The following OLA1 variants were observed in gnomAD, a reference collection of about 807,000 sequenced individuals.
OLA1 encodes Obg like ATPase 1.
In OLA1, 14 loss-of-function variants were observed where a neutral mutation model predicts 48.4. The observed-to-expected ratio is 0.29, with a 90% CI of 0.19 to 0.45. The LOEUF is 0.45. Among genes scored for constraint, OLA1 ranks in the 20% least tolerant of loss-of-function variants. The pLI is 1.00. For synonymous variants in OLA1, 127 were observed against 150.4 expected, an observed-to-expected ratio of 0.84 and a Z score of 1.14; for missense variants, 325 against 467.1, an observed-to-expected ratio of 0.70 and a Z score of 2.80.
rs373564680 is a variant in OLA1 at position 174,168,467 on chromosome 2, T to A, written c.374-26467A>T. Among the ~76,000 whole-genome samples, 69 of 152,234 alleles carry A rather than the reference T, an allele frequency of 4.5e-4. No individual in the cohort carries two copies. The South Asian group carries it at 0.013, about 28-fold the overall frequency. On this transcript the variant is annotated intron_variant, in intron 4 of 10. Transcript: ENST00000284719. ...AATCGCCATAATGTAACATTCATAA[T>A]GTCCAGGATACAATCTAAAATTACC... is the stretch of plus-strand genomic sequence containing the variant.
rs138501829 is a variant in OLA1 at position 174,227,178 on chromosome 2, G to C, written c.245+2130C>G. 2.2e-3 allele frequency among the ~76,000 whole-genome samples: 332 copies of C among 152,184 alleles called. 1 individual carries two copies. Among genetic ancestry groups the C allele is most frequent in the Middle Eastern group, 0.014 (4 of 292 alleles). ...CCACCATTTTGGGAGGATGAGGCAG[G>C]AGGAATGCTTGAGGCCGACAGTTCA... On this transcript the variant is annotated intron_variant, in intron 3 of 10. Transcript: ENST00000284719.
At chr2:174,244,936 T>G (rs1049362897) in intron 2 of OLA1, among the ~76,000 whole-genome samples, 1 of 152,172 alleles carries the variant, frequency 6.6e-6, no homozygotes, top group Non-Finnish European at 1.5e-5. Context: ...CCAGCCAATT[T>G]TTTAAAAAAA....
chr2:174,212,859 A>G (rs541492515), intron 4 of OLA1, among the ~76,000 whole-genome samples: 1 of 152,340 alleles, frequency 6.6e-6, no homozygotes, highest in South Asian at 2.1e-4. Flanking sequence ...GTCATCTCCT[A>G]TGATAACAAT....
chr2:174,142,236 T>C (rs1056538033), intron 4 of OLA1, among the ~76,000 whole-genome samples: 2 of 152,210 alleles, frequency 1.3e-5, no homozygotes, highest in African/African-American at 4.8e-5. Flanking sequence ...AATAAAATTA[T>C]GGTCTTTACA....
At chr2:174,187,705 G>A (rs1419109229) in intron 4 of OLA1, among the ~76,000 whole-genome samples, 1 of 152,194 alleles carries the variant, frequency 6.6e-6, no homozygotes, top group Non-Finnish European at 1.5e-5. Flanking sequence ...TGTGATCAGG[G>A]TATCCTTAGA....
chr2:174,173,420 T>G (rs10497414), intron 4 of OLA1, among the ~76,000 whole-genome samples: 1 of 152,146 alleles, frequency 6.6e-6, no homozygotes, highest in Non-Finnish European at 1.5e-5. Flanking sequence ...TGTTTCTTTC[T>G]GTTAATAACA....
chr2:174,239,134 A>G (rs1385862119), intron 2 of OLA1, among the ~76,000 whole-genome samples: 3 of 152,206 alleles, frequency 2.0e-5, no homozygotes, highest in African/African-American at 7.2e-5. Context: ...GAAATAAGGG[A>G]TATTTTTTAA....
chr2:174,091,994 T>G (rs568344004), intron 7 of OLA1, among the ~76,000 whole-genome samples: 2 of 150,062 alleles, frequency 1.3e-5, no homozygotes, highest in Non-Finnish European at 3.0e-5. Flanking sequence ...ATGTACTTAA[T>G]GTTAACTGTC....
chr2:174,186,712 C>T (rs569754764), intron 4 of OLA1, among the ~76,000 whole-genome samples: 4 of 151,818 alleles, frequency 2.6e-5, no homozygotes, highest in Admixed American at 6.6e-5. Context: ...AAAAAATTAT[C>T]GAAAATGTTG....
intron 4 of OLA1, 64 bp from the exon 5 acceptor site, chr2:174,142,064 G>C: frequency 7.4e-7 from 1 of 1,360,500 alleles, no homozygotes; most frequent in African/African-American, 1.5e-5. Flanking sequence ...TTATGATAGA[G>C]TGAAAGATTC....
intron 4 of OLA1, among the ~76,000 whole-genome samples, chr2:174,206,626 G>A (rs1688121262): frequency 6.6e-6 from 1 of 151,918 alleles, no homozygotes; most frequent in Non-Finnish European, 1.5e-5. Flanking sequence ...ATGAATATAA[G>A]GATATATTCA....
intron 5 of OLA1, among the ~76,000 whole-genome samples, chr2:174,129,026 A>C (rs572467483): frequency 9.9e-5 from 15 of 152,280 alleles, no homozygotes; most frequent in African/African-American, 3.1e-4. Flanking sequence ...AATTTTGGGG[A>C]AGTTACCTAA....
chr2:174,236,247 A>T (rs1454883516), intron 2 of OLA1, among the ~76,000 whole-genome samples: 1 of 152,164 alleles, frequency 6.6e-6, no homozygotes, highest in Non-Finnish European at 1.5e-5. Flanking sequence ...GTAGCATAAA[A>T]GGACCTTAAA....
chr2:174,079,572 T>C (rs1684816777), intron 9 of OLA1, among the ~76,000 whole-genome samples: 1 of 151,906 alleles, frequency 6.6e-6, no homozygotes. Flanking sequence ...AGCAAATAAT[T>C]GTGAAACTCT....
intron 2 of OLA1, among the ~76,000 whole-genome samples, chr2:174,236,132 T>A (rs1688842499): frequency 6.6e-6 from 1 of 151,888 alleles, no homozygotes; most frequent in Non-Finnish European, 1.5e-5. Flanking sequence ...AAATCCACAG[T>A]GTATAGAATC....
chr2:174,127,136 T>C (rs988118166), intron 5 of OLA1, among the ~76,000 whole-genome samples: 4 of 151,778 alleles, frequency 2.6e-5, no homozygotes, highest in African/African-American at 9.8e-5. Flanking sequence ...TAACAGCAAC[T>C]GTAATGTATT....
chr2:174,124,872 A>T (rs908506496), intron 5 of OLA1, among the ~76,000 whole-genome samples: 2 of 152,184 alleles, frequency 1.3e-5, no homozygotes, highest in Non-Finnish European at 2.9e-5. Flanking sequence ...AAAAATAAGG[A>T]AAAAGCCTTA....
At chr2:174,217,549 C>T (rs761273176) in intron 4 of OLA1, among the ~76,000 whole-genome samples, 3 of 152,082 alleles carry the variant, frequency 2.0e-5, no homozygotes, top group African/African-American at 7.2e-5. Context: ...AAGTGACATA[C>T]AACAAAATGT....
chr2:174,165,218 TA>T (rs890813559), intron 4 of OLA1, among the ~76,000 whole-genome samples: 1 of 152,190 alleles, frequency 6.6e-6, no homozygotes, highest in African/African-American at 2.4e-5. Flanking sequence ...CCTACCTAAA[TA>T]AAACATTGTA....
Sources: allele counts gnomAD v4.1 joint callset (sites outside exome capture counted in the v4.1 genomes callset), GRCh38; gene constraint gnomAD v4.1.1; transcripts MANE v1.5; gene names NCBI Gene and HGNC (gene_info 2026-07-23, HGNC 2026-07-21).